The following CMIP variants were observed in gnomAD, a reference collection of about 807,000 sequenced individuals.
CMIP encodes c-Maf inducing protein.
In CMIP, 13 loss-of-function variants were observed where a neutral mutation model predicts 97.3. The ratio of observed to expected loss-of-function variants is 0.13; its 90% CI spans 0.09 to 0.21. CMIP has a LOEUF of 0.21. Among genes scored for constraint, CMIP ranks in the 10% least tolerant of loss-of-function variants. The pLI is 1.00. For synonymous variants in CMIP, 538 were observed against 436.3 expected (o/e 1.23, Z -2.91); for missense variants, 847 against 1,024.9 (o/e 0.83, Z 2.37).
intron 2 of CMIP, among the ~76,000 whole-genome samples, chr16:81,611,979 C>T (rs2091839109): frequency 6.6e-6 from 1 of 152,226 alleles, no homozygotes; most frequent in African/African-American, 2.4e-5. Flanking sequence ...TTTGTGTTTT[C>T]AGCGTGAGCT....
intron 10 of CMIP, among the ~76,000 whole-genome samples, chr16:81,686,230 A>G (rs1351037495): frequency 6.6e-6 from 1 of 152,102 alleles, no homozygotes; most frequent in Non-Finnish European, 1.5e-5. Context: ...AGGTGGGAGG[A>G]AAGGAGGAAG....
intron 1 of CMIP, among the ~76,000 whole-genome samples, chr16:81,596,506 CAAAAAA>C (rs1164896590): frequency 2.2e-5 from 2 of 88,994 alleles, no homozygotes; most frequent in African/African-American, 3.8e-5. Flanking sequence ...GGCCCTGTCT[CAAAAAA>C]AAAAAAAAAA....
At chr16:81,508,001 G>A (rs1250448930) in intron 1 of CMIP, among the ~76,000 whole-genome samples, 3 of 152,084 alleles carry the variant, frequency 2.0e-5, no homozygotes, top group Non-Finnish European at 4.4e-5. Flanking sequence ...GAGCCCACTT[G>A]GGCAATGCCA....
chr16:81,459,636 C>A (rs1052795237), intron 1 of CMIP, among the ~76,000 whole-genome samples: 1 of 152,212 alleles, frequency 6.6e-6, no homozygotes, highest in African/African-American at 2.4e-5. Context: ...AACGATATTG[C>A]CCCTGACGCA....
intron 1 of CMIP, among the ~76,000 whole-genome samples, chr16:81,592,177 A>AT (rs1239745947): frequency 1.3e-5 from 2 of 152,024 alleles, no homozygotes; most frequent in African/African-American, 4.8e-5. Context: ...TTACATCTTA[A>AT]TTTTTTATAA....
chr16:81,489,742 T>C (rs1407872780), intron 1 of CMIP, among the ~76,000 whole-genome samples: 2 of 152,168 alleles, frequency 1.3e-5, no homozygotes, highest in African/African-American at 4.8e-5. Context: ...AGAGCTGATG[T>C]GCGATGTGTG....
At chr16:81,702,115 C>T (rs967344419) in intron 16 of CMIP, among the ~76,000 whole-genome samples, 1 of 152,158 alleles carries the variant, frequency 6.6e-6, no homozygotes, top group Non-Finnish European at 1.5e-5. Context: ...CACCTCTTTG[C>T]TGAAGGACTT....
rs1053099566 is a variant in CMIP, at chr16:81,655,550, G to A, written c.640-2225G>A. Among the ~76,000 whole-genome samples, 1 of 152,204 alleles carries A rather than the reference G, an allele frequency of 6.6e-6. No individual in the cohort carries two copies. The highest frequency in any genetic ancestry group is 2.4e-5 in the African/African-American group (1 of 41,442). Reference sequence around the variant, plus strand: ...CCAGGGGTGGAAAATGGCCCTGGGGGAGAGAAGGCTCCCTGTAGAATGCAT... The same window carrying A: ...CCAGGGGTGGAAAATGGCCCTGGGGAAGAGAAGGCTCCCTGTAGAATGCAT... On this transcript the variant is annotated intron_variant, in intron 4 of 20. Transcript: ENST00000537098. The surrounding 1 kb of genome is among the most constrained non-coding windows in gnomAD (Gnocchi z 4.9).
At chr16:81,660,342 C>T (rs868347470) in intron 5 of CMIP, among the ~76,000 whole-genome samples, 4 of 151,512 alleles carry the variant, frequency 2.6e-5, no homozygotes, top group African/African-American at 7.3e-5. Context: ...GGCAGGAACT[C>T]GGCTCACTGC....
At chr16:81,660,634 C>T (rs1342355247) in intron 5 of CMIP, among the ~76,000 whole-genome samples, 5 of 152,166 alleles carry the variant, frequency 3.3e-5, no homozygotes, top group Non-Finnish European at 7.3e-5. Flanking sequence ...GTATTTCATC[C>T]CATCCCAGTG....
chr16:81,651,729 C>G (rs1005571847), intron 3 of CMIP, among the ~76,000 whole-genome samples: 1 of 152,148 alleles, frequency 6.6e-6, no homozygotes, highest in East Asian at 1.9e-4. Context: ...AAGTCTCCCC[C>G]TTTTCTTTTT....
chr16:81,504,207 TC>T (rs2089662808), intron 1 of CMIP, among the ~76,000 whole-genome samples: 3 of 151,966 alleles, frequency 2.0e-5, no homozygotes, highest in Non-Finnish European at 1.5e-5. Context: ...GCGCCAGTAA[TC>T]CCAAGTACTT....
chr16:81,706,597 A>T (rs59314330), intron 19 of CMIP, among the ~76,000 whole-genome samples: 1,756 of 152,324 alleles, frequency 0.012, 36 homozygotes, highest in African/African-American at 0.04. Flanking sequence ...TGCGACTCCA[A>T]CACAAACCAG....
At chr16:81,534,571 G>C (rs2090304812) in intron 1 of CMIP, among the ~76,000 whole-genome samples, 1 of 151,694 alleles carries the variant, frequency 6.6e-6, no homozygotes, top group African/African-American at 2.4e-5. Context: ...GTCTTAATTA[G>C]TGACTTCTTA....
intron 10 of CMIP, among the ~76,000 whole-genome samples, chr16:81,688,096 A>T (rs897851661): frequency 6.6e-5 from 10 of 151,936 alleles, no homozygotes; most frequent in African/African-American, 2.4e-4. Flanking sequence ...TGGTCTTCCC[A>T]GGGTCGGATG....
chr16:81,516,104 C>G (rs980113726), intron 1 of CMIP, among the ~76,000 whole-genome samples: 1 of 152,156 alleles, frequency 6.6e-6, no homozygotes, highest in Non-Finnish European at 1.5e-5. Flanking sequence ...CTGGGATCTC[C>G]TTCCTTGTGT....
chr16:81,569,732 G>T (rs1046538406), intron 1 of CMIP, among the ~76,000 whole-genome samples: 1 of 152,254 alleles, frequency 6.6e-6, no homozygotes, highest in Non-Finnish European at 1.5e-5. Context: ...CTGGGAGCTG[G>T]AAAGAGCTGG....
chr16:81,710,172 A>C lies in CMIP; in HGVS notation c.*373A>C. On this transcript the variant is annotated 3_prime_UTR_variant, in exon 21 of 21. Coordinates refer to ENST00000537098, the MANE Select transcript of CMIP (RefSeq NM_198390.3). ...GGGAAAAGTCAACTCCGATGCCACC[A>C]TTGCGGGCCGGACGAAGGATGCTTT... 1 of 278,806 alleles carries C rather than the reference A, an allele frequency of 3.6e-6. No homozygotes were observed. The highest frequency in any genetic ancestry group is 8.4e-5 in the East Asian group (1 of 11,854). The allele number at this position is 278,806 out of a possible 1,614,324, so 17.3% of individuals were successfully genotyped here. A position where few individuals can be genotyped will look rare whatever the true frequency, so the allele number is the denominator to read the frequency against.
chr16:81,523,301 T>C (rs9806895), intron 1 of CMIP, among the ~76,000 whole-genome samples: 18,972 of 152,206 alleles, frequency 0.12, 1,223 homozygotes, highest in African/African-American at 0.16. Flanking sequence ...GATCTCTCCG[T>C]TGATTCCTGA....
Sources: gnomAD v4.1 joint callset for allele counts (sites outside exome capture counted in the v4.1 genomes callset) on GRCh38, gnomAD v4.1.1 for gene constraint, Gnocchi (gnomAD v3.1) non-coding constraint, MANE v1.5 for transcripts, NCBI Gene and HGNC (gene_info 2026-07-23, HGNC 2026-07-21) for gene names.